The following ABCB4 variants were observed in gnomAD, a reference collection of about 807,000 sequenced individuals.
ABCB4 encodes phosphatidylcholine translocator ABCB4.
A neutral mutation model predicts 145.7 loss-of-function variants in ABCB4; 76 were observed. The ratio of observed to expected loss-of-function variants is 0.52; its 90% CI spans 0.43 to 0.63. The LOEUF (loss-of-function observed/expected upper bound fraction) is 0.63, where lower values mean the gene tolerates loss of function less well. Ranked by LOEUF, ABCB4 falls within the 30% of genes least tolerant of loss-of-function variation. The probability of loss-of-function intolerance (pLI) is 0.00; values close to 1 mark genes in which losing one functional copy is unlikely to be tolerated. For missense variants in ABCB4, 1,234 were observed against 1,553.1 expected (o/e 0.79, Z 3.45); for synonymous variants, 517 against 566.8 (o/e 0.91, Z 1.25).
chr7:87,367,709 C>A, the ABCB4 span, among the ~76,000 whole-genome samples: 1 of 152,114 alleles, frequency 6.6e-6, no homozygotes, highest in African/African-American at 2.4e-5. Context: ...CTTGCTTTTG[C>A]ATTATCCTCT....
At chr7:87,463,635 G>T (rs1182878800) in intron 3 of ABCB4, among the ~76,000 whole-genome samples, 1 of 152,178 alleles carries the variant, frequency 6.6e-6, no homozygotes, top group Non-Finnish European at 1.5e-5. Flanking sequence ...GAAACTACAT[G>T]GAATGCTTAA....
intron 4 of ABCB4, among the ~76,000 whole-genome samples, chr7:87,458,094 A>G (rs956092073): frequency 6.6e-6 from 1 of 152,218 alleles, no homozygotes; most frequent in Admixed American, 6.5e-5. Context: ...TTATGAAGAT[A>G]TCTTGGGGGC....
At chr7:87,454,206 G>T (rs927216120) in intron 5 of ABCB4, among the ~76,000 whole-genome samples, 3 of 152,152 alleles carry the variant, frequency 2.0e-5, no homozygotes, top group African/African-American at 7.2e-5. Flanking sequence ...TGAGAAACTA[G>T]AAGGAGGAGA....
At chr7:87,472,502 G>A in intron 3 of ABCB4, 119 bp downstream of exon 3, 2 of 904,962 alleles carry the variant, frequency 2.2e-6, no homozygotes, top group Non-Finnish European at 3.6e-6. Context: ...GGGATTACAA[G>A]TATGAGTCAG....
In ABCB4 at chr7:87,418,514, CAAGTA is replaced by C; in HGVS notation, c.2478+18_2478+22del. On this transcript the variant is annotated intron_variant, in intron 20 of 27. Transcript: ENST00000649586. ...TAAAACCATGTTATGTAAAAAACTA[CAAGTA>C]GAGTGCAGTCTACCTACTCCTTGGA... is the stretch of plus-strand genomic sequence containing the variant. 6.2e-7 allele frequency: 1 copy of C among 1,608,920 alleles called. No homozygotes were observed. The highest frequency in any genetic ancestry group is 8.5e-7 in the Non-Finnish European group (1 of 1,175,328).
At chr7:87,475,601 CT>C (rs1813757152) in intron 1 of ABCB4, 32 bp downstream of exon 1, 1 of 889,996 alleles carries the variant, frequency 1.1e-6, no homozygotes, top group Non-Finnish European at 1.8e-6. Context: ...CCGGGTCTCC[CT>C]TCGAGGCCAG....
At chr7:87,475,516 C>T (rs1382845989) in intron 1 of ABCB4, 45 bp from the exon 2 acceptor site, 1 of 1,600,064 alleles carries the variant, frequency 6.2e-7, no homozygotes, top group African/African-American at 1.3e-5. Flanking sequence ...CCCTCTCCGG[C>T]GGCCCGGCGC....
At chr7:87,436,427 TA>T in intron 14 of ABCB4, among the ~76,000 whole-genome samples, 2 of 152,128 alleles carry the variant, frequency 1.3e-5, no homozygotes, top group Middle Eastern at 3.4e-3. Context: ...TATATAGGCA[TA>T]ACTTCTGGGG....
intron 15 of ABCB4, among the ~76,000 whole-genome samples, chr7:87,428,568 T>A (rs1004907123): frequency 5.3e-5 from 8 of 152,000 alleles, no homozygotes; most frequent in African/African-American, 1.9e-4. Flanking sequence ...AAAGTGAAAT[T>A]GAAAGGAACA....
chr7:87,382,650 C>T, the ABCB4 span: 4 of 1,122,924 alleles, frequency 3.6e-6, no homozygotes, highest in Non-Finnish European at 5.1e-6. Flanking sequence ...ACTTTTTTCC[C>T]AGCTGGTACT....
chr7:87,413,570 C>T (rs374831162), intron 22 of ABCB4, 47 bp downstream of exon 22: 4 of 1,176,294 alleles, frequency 3.4e-6, no homozygotes, highest in Non-Finnish European at 5.1e-6. Flanking sequence ...AATAATTCAG[C>T]CTTAGGAAAG....
intron 15 of ABCB4, 118 bp from the exon 16 acceptor site, chr7:87,427,038 G>A (rs937790007): frequency 1.0e-5 from 9 of 896,460 alleles, no homozygotes; most frequent in East Asian, 5.2e-5. Flanking sequence ...AATATTACAT[G>A]TATCAAGATT....
chr7:87,410,120 T>A (rs1808504011), intron 23 of ABCB4, among the ~76,000 whole-genome samples: 1 of 152,150 alleles, frequency 6.6e-6, no homozygotes, highest in Non-Finnish European at 1.5e-5. Context: ...AAAGTCACCT[T>A]AAACTAAAGT....
At chr7:87,390,939 G>C in the ABCB4 span, among the ~76,000 whole-genome samples, 1 of 152,182 alleles carries the variant, frequency 6.6e-6, no homozygotes, top group Non-Finnish European at 1.5e-5. Context: ...CATTTTTTGT[G>C]ATGCAGCTTA....
chr7:87,366,233 C>T, the ABCB4 span, among the ~76,000 whole-genome samples: 1 of 150,426 alleles, frequency 6.6e-6, no homozygotes, highest in Non-Finnish European at 1.5e-5. Context: ...TGTACCCTCG[C>T]AAGGGGGAAT....
At chr7:87,391,373 C>T in the ABCB4 span, among the ~76,000 whole-genome samples, 3 of 152,152 alleles carry the variant, frequency 2.0e-5, no homozygotes, top group Non-Finnish European at 4.4e-5. Context: ...ATGTATATGA[C>T]CTGACAGCAG....
downstream of ABCB4, among the ~76,000 whole-genome samples, chr7:87,397,682 C>T (rs1041565620): frequency 2.0e-5 from 3 of 152,158 alleles, no homozygotes; most frequent in Admixed American, 1.3e-4. Context: ...TTCTGTATTA[C>T]TTTTCTGCAA....
intron 3 of ABCB4, among the ~76,000 whole-genome samples, chr7:87,465,674 C>T (rs142604664): frequency 0.019 from 2,851 of 152,322 alleles, 44 homozygotes; most frequent in Middle Eastern, 0.034. Flanking sequence ...TGACACCTCA[C>T]ATGGCCGGGC....
intron 21 of ABCB4, among the ~76,000 whole-genome samples, chr7:87,414,972 G>T (rs1263713233): frequency 6.6e-6 from 1 of 152,144 alleles, no homozygotes; most frequent in Admixed American, 6.5e-5. Context: ...TTAATAAGTA[G>T]CAAAGCAAGA....
Sources: allele counts gnomAD v4.1 joint callset (sites outside exome capture counted in the v4.1 genomes callset), GRCh38; gene constraint gnomAD v4.1.1; transcripts MANE v1.5; gene names NCBI Gene and HGNC (gene_info 2026-07-23, HGNC 2026-07-21).